Variants in GALNTL6 observed in about 807,000 individuals in gnomAD.
The protein encoded by GALNTL6 is polypeptide N-acetylgalactosaminyltransferase-like 6.
GALNTL6 carries 46 observed loss-of-function variants against 73.7 expected under a neutral mutation model. That is an observed-to-expected ratio of 0.62 (90% confidence interval 0.49 to 0.80). The LOEUF is 0.80. Ranked by LOEUF, GALNTL6 falls within the 30% of genes least tolerant of loss-of-function variation. The pLI is 0.00. For synonymous variants in GALNTL6, 259 were observed against 263.7 expected (o/e 0.98, Z 0.17); for missense variants, 604 against 755.0 (o/e 0.80, Z 2.34).
chr4:171,890,535 G>T (rs1174706304), intron 2 of GALNTL6, among the ~76,000 whole-genome samples: 2 of 152,028 alleles, frequency 1.3e-5, no homozygotes, highest in Non-Finnish European at 2.9e-5. Flanking sequence ...ACTGAGGGAT[G>T]AATAAAATAA....
intron 2 of GALNTL6, among the ~76,000 whole-genome samples, chr4:172,092,891 T>G (rs2110944218): frequency 6.7e-6 from 1 of 150,220 alleles, no homozygotes; most frequent in East Asian, 1.9e-4. Flanking sequence ...TTTTTTTTTT[T>G]TGAGACGGAG....
At chr4:172,762,221 C>T (rs1357678478) in intron 5 of GALNTL6, among the ~76,000 whole-genome samples, 3 of 152,174 alleles carry the variant, frequency 2.0e-5, no homozygotes, top group African/African-American at 7.2e-5. Flanking sequence ...AGCAATGTTG[C>T]TTCTGCTCAT....
intron 2 of GALNTL6, among the ~76,000 whole-genome samples, chr4:172,217,583 T>C (rs1167457733): frequency 6.6e-6 from 1 of 152,226 alleles, no homozygotes; most frequent in African/African-American, 2.4e-5. Flanking sequence ...ATTTCTGTTA[T>C]AAATATTTTA....
chr4:172,898,907 A>G (rs1746477717), intron 8 of GALNTL6, among the ~76,000 whole-genome samples: 1 of 152,164 alleles, frequency 6.6e-6, no homozygotes, highest in African/African-American at 2.4e-5. Context: ...CTAACCAGTT[A>G]TGTTATCTAT....
intron 5 of GALNTL6, among the ~76,000 whole-genome samples, chr4:172,768,615 T>C (rs1255330328): frequency 6.6e-6 from 1 of 152,188 alleles, no homozygotes; most frequent in Non-Finnish European, 1.5e-5. Flanking sequence ...TAAACATTCC[T>C]GGAAAAGGGT....
chr4:172,825,318 G>C (rs1742204413), intron 7 of GALNTL6, among the ~76,000 whole-genome samples: 1 of 152,014 alleles, frequency 6.6e-6, no homozygotes, highest in Non-Finnish European at 1.5e-5. Flanking sequence ...GCTGCCAGTG[G>C]AAAGGCTCGT....
chr4:172,250,151 C>T (rs1737806863), intron 3 of GALNTL6, among the ~76,000 whole-genome samples: 1 of 152,116 alleles, frequency 6.6e-6, no homozygotes, highest in Non-Finnish European at 1.5e-5. Flanking sequence ...CTGTGGGAGC[C>T]CACTCCTGCA....
At chr4:172,329,427 C>T (rs922801876) in intron 4 of GALNTL6, among the ~76,000 whole-genome samples, 1 of 152,056 alleles carries the variant, frequency 6.6e-6, no homozygotes, top group Non-Finnish European at 1.5e-5. Context: ...CACTCTAGTC[C>T]CTAGTCACCT....
intron 2 of GALNTL6, among the ~76,000 whole-genome samples, chr4:171,996,853 A>G (rs1050302830): frequency 6.6e-6 from 1 of 152,080 alleles, no homozygotes; most frequent in African/African-American, 2.4e-5. Flanking sequence ...GCTTTAAAGT[A>G]ATAGCATAGT....
At chr4:171,866,789 T>C (rs920911719) in intron 2 of GALNTL6, among the ~76,000 whole-genome samples, 9 of 152,074 alleles carry the variant, frequency 5.9e-5, no homozygotes, top group African/African-American at 2.2e-4. Context: ...GAGCATTCCT[T>C]GGGTTCTTTT....
At chr4:173,008,681 C>A (rs544941251) in intron 10 of GALNTL6, among the ~76,000 whole-genome samples, 2 of 152,310 alleles carry the variant, frequency 1.3e-5, no homozygotes, top group South Asian at 4.1e-4. Flanking sequence ...TCACAGAGAG[C>A]AGCATAAGGT....
At chr4:172,890,666 T>C (rs528127832) in intron 8 of GALNTL6, among the ~76,000 whole-genome samples, 33 of 152,318 alleles carry the variant, frequency 2.2e-4, no homozygotes, top group African/African-American at 7.5e-4. Context: ...ATGTATATTC[T>C]GTGGCTGTTA....
At chr4:172,011,224 G>A (rs1579056432) in intron 2 of GALNTL6, among the ~76,000 whole-genome samples, 1 of 152,034 alleles carries the variant, frequency 6.6e-6, no homozygotes, top group Non-Finnish European at 1.5e-5. Context: ...TTATCATACA[G>A]AATTATGTGT....
intron 3 of GALNTL6, among the ~76,000 whole-genome samples, chr4:172,308,723 C>T (rs1485890871): frequency 6.6e-6 from 1 of 152,056 alleles, no homozygotes. Flanking sequence ...TATATAAGTC[C>T]AAGAGACCTT....
intron 2 of GALNTL6, among the ~76,000 whole-genome samples, chr4:171,844,500 A>T (rs1579503710): frequency 6.6e-6 from 1 of 152,020 alleles, no homozygotes; most frequent in African/African-American, 2.4e-5. Flanking sequence ...TTCCTTTTTA[A>T]ATTGTGCATT....
At chr4:172,233,159 A>G (rs568252596) in intron 3 of GALNTL6, among the ~76,000 whole-genome samples, 101 of 149,774 alleles carry the variant, frequency 6.7e-4, no homozygotes, top group Non-Finnish European at 7.8e-4. Flanking sequence ...GCTTGAGCCC[A>G]GGAATTTGAA....
intron 2 of GALNTL6, among the ~76,000 whole-genome samples, chr4:171,979,519 A>G (rs1739827814): frequency 6.6e-6 from 1 of 152,192 alleles, no homozygotes; most frequent in African/African-American, 2.4e-5. Context: ...GTTTCAGGCA[A>G]CTATGAATTG....
At chr4:172,209,463 G>A (rs1736255603) in intron 2 of GALNTL6, among the ~76,000 whole-genome samples, 2 of 149,648 alleles carry the variant, frequency 1.3e-5, no homozygotes, top group Admixed American at 6.7e-5. Flanking sequence ...AAAAAATGAT[G>A]TACCTCTAAA....
At chr4:172,247,219 A>G (rs943457321) in intron 3 of GALNTL6, among the ~76,000 whole-genome samples, 13 of 152,222 alleles carry the variant, frequency 8.5e-5, no homozygotes, top group African/African-American at 2.4e-4. Flanking sequence ...TGCACTGACA[A>G]TTGATGTTTG....
Sources: gnomAD v4.1 joint callset for allele counts (sites outside exome capture counted in the v4.1 genomes callset) on GRCh38, gnomAD v4.1.1 for gene constraint, MANE v1.5 for transcripts, NCBI Gene and HGNC (gene_info 2026-07-23, HGNC 2026-07-21) for gene names.